LONP1: variants seen among roughly 807,000 people sequenced by gnomAD.
LONP1 encodes the protein lon protease homolog, mitochondrial.
A neutral mutation model predicts 98.5 loss-of-function variants in LONP1; 31 were observed. The observed-to-expected ratio is 0.31, with a 90% confidence interval of 0.24 to 0.42. The LOEUF (loss-of-function observed/expected upper bound fraction) is 0.42. Ranked by LOEUF, LONP1 falls within the 20% of genes least tolerant of loss-of-function variation. The pLI is 1.00. For synonymous variants in LONP1, 781 were observed against 594.7 expected (o/e 1.31, Z -4.56); for missense variants, 1,336 against 1,350.6 (o/e 0.99, Z 0.17).
chr19:5,713,009 G>T, intron 3 of LONP1, 125 bp downstream of exon 3: 2 of 1,339,986 alleles, frequency 1.5e-6, no homozygotes, highest in Non-Finnish European at 2.1e-6. Context: ...TGGCCTCAGT[G>T]CTAGTGAGAA....
At chr19:5,716,267 T>C (rs1466214957) in intron 1 of LONP1, among the ~76,000 whole-genome samples, 11 of 35,464 alleles carry the variant, frequency 3.1e-4, no homozygotes, top group African/African-American at 1.1e-3. Context: ...TACATATATA[T>C]ATATATATAT....
rs754644236 is a variant in LONP1, at chr19:5,694,394, G to A, written c.2313C>T (p.Thr771=). The A allele has an allele frequency of 1.9e-5, 30 of 1,612,812 alleles. No individual in the cohort carries two copies. The highest frequency in any genetic ancestry group is 1.3e-4 in the East Asian group (6 of 44,874). ...TCCCGCCACCACGCTCACCCATTGC[G>A]GTCCAGGCCAGCCCCATGACCACGC... ...PPGVVMGLAW[T]AMGGSTLFVE... The change falls in exon 15 of 18, where the codon ACC becomes ACT. Residue 771 remains threonine (T), a synonymous_variant. Transcript: ENST00000360614.
At chr19:5,694,599 G>A (rs768401905) in intron 14 of LONP1, 47 bp from the exon 15 acceptor site, 2 of 1,562,890 alleles carry the variant, frequency 1.3e-6, no homozygotes, top group East Asian at 2.3e-5. Flanking sequence ...TGGGGTGACA[G>A]GTGCGGGGTG....
chr19:5,717,539 A>T (rs2055341870), intron 1 of LONP1: 1 of 152,234 alleles, frequency 6.6e-6, no homozygotes, highest in Admixed American at 6.6e-5. Context: ...CTGCTCAGGC[A>T]CCGGGAGCAA....
upstream of LONP1, chr19:5,720,196 A>C: frequency 7.2e-7 from 1 of 1,383,060 alleles, no homozygotes; most frequent in Non-Finnish European, 9.3e-7. Context: ...AACGCACGTG[A>C]CGCCCGGCGC....
At chr19:5,716,518 C>G (rs961165298) in intron 1 of LONP1, among the ~76,000 whole-genome samples, 1 of 150,376 alleles carries the variant, frequency 6.6e-6, no homozygotes, top group African/African-American at 2.4e-5. Context: ...AGGCTCTTAA[C>G]TTGTGGTCCA....
intron 8 of LONP1, among the ~76,000 whole-genome samples, chr19:5,702,383 G>A (rs1157437334): frequency 8.8e-5 from 13 of 148,394 alleles, no homozygotes; most frequent in Admixed American, 4.0e-4. Flanking sequence ...CCGGCCAGCC[G>A]CCCCGTCCGG....
At chr19:5,706,896 C>T (rs1003568853) in intron 7 of LONP1, among the ~76,000 whole-genome samples, 164 bp downstream of exon 7, 4 of 152,220 alleles carry the variant, frequency 2.6e-5, no homozygotes, top group South Asian at 2.1e-4. Context: ...CAGCCCAGGA[C>T]GACAGAGCAG....
chr19:5,711,056 A>AGGGGTAGTGC (rs2055229457), intron 4 of LONP1, among the ~76,000 whole-genome samples: 1 of 151,384 alleles, frequency 6.6e-6, no homozygotes, highest in Non-Finnish European at 1.5e-5. Context: ...AAAACCTCGC[A>AGGGGTAGTGC]GGGGTAGTGG....
Position 5,713,346 on chromosome 19 carries a change from C to T in LONP1, c.519-93G>A, listed in dbSNP as rs558549517. ...AGATGGAGGAGGGAGAGAAAAGAAA[C>T]GCCCCTACCAAATGCTACTGAAAAC... On this transcript the variant is annotated intron_variant, in intron 2 of 17. Transcript: ENST00000360614. 3.8e-5 allele frequency: 55 copies of T among 1,460,730 alleles called. No individual in the cohort carries two copies. The African/African-American group carries it at 5.9e-4, about 16-fold the overall frequency. 90.5% of individuals were successfully genotyped at this position (1,460,730 alleles called of 1,614,324 possible). A position where few individuals can be genotyped will look rare whatever the true frequency, so the allele number is the denominator to read the frequency against.
At chr19:5,699,422 C>T (rs2055001378) in intron 9 of LONP1, among the ~76,000 whole-genome samples, 1 of 152,188 alleles carries the variant, frequency 6.6e-6, no homozygotes. Flanking sequence ...CAAAGGACAA[C>T]TAGGTGCTAG....
intron 8 of LONP1, among the ~76,000 whole-genome samples, chr19:5,704,375 C>T (rs570116414): frequency 2.2e-4 from 34 of 152,282 alleles, no homozygotes; most frequent in Non-Finnish European, 4.1e-4. Context: ...GAAATCGGGG[C>T]GTGCTGGGAG....
chr19:5,720,058 G>A lies in LONP1; in HGVS notation c.75C>T (p.Ala25=). The A allele has an allele frequency of 6.5e-7, 1 of 1,531,696 alleles. No individual in the cohort carries two copies. Among genetic ancestry groups the A allele is most frequent in the Non-Finnish European group, 8.7e-7 (1 of 1,144,176 alleles). 94.9% of individuals were successfully genotyped at this position (1,531,696 alleles called of 1,614,324 possible). The change falls in exon 1 of 18, where the codon GCC becomes GCT. Residue 25 remains alanine (A), a synonymous_variant. Coordinates refer to ENST00000360614, the MANE Select transcript of LONP1 (RefSeq NM_004793.4). The part of the protein sequence containing the change: ...RCWVLRRPML[A]AAGGRVPTAA... ...CAGTGGGAACCCGCCCCCCGGCGGC[G>A]GCCAGCATCGGCCGCCGCAGCACCC...
At position 5,696,160 on chromosome 19, in the gene LONP1, A is replaced by G. The variant is rs1181375824; in HGVS notation, c.1907T>C (p.Ile636Thr). The change falls in exon 13 of 18, where the codon ATC becomes ACC. Residue 636 changes from isoleucine to threonine, a missense_variant. By Grantham distance (89) the Ile-to-Thr change is moderately conservative. This residue lies in a region of LONP1 where 555 missense variants were observed against 542.6 expected (regional missense o/e 1.02). Coordinates refer to ENST00000360614, the MANE Select transcript of LONP1 (RefSeq NM_004793.4). Reference protein sequence around the residue: ...VPVDLSKVLFICTANVTDTIP... With the variant: ...VPVDLSKVLFTCTANVTDTIP... The stretch of plus-strand genomic sequence containing the variant: ...GGTGTCCGTGACGTTGGCCGTGCAG[A>G]TGAACAGCACCTGGGGGCGGCGGCA... The G allele has an allele frequency of 2.5e-6, 4 of 1,612,912 alleles. No individual in the cohort carries two copies. The highest frequency in any genetic ancestry group is 3.4e-6 in the Non-Finnish European group (4 of 1,179,872).
intron 9 of LONP1, 30 bp from the exon 10 acceptor site, chr19:5,699,235 G>T (rs778712955): frequency 6.8e-7 from 1 of 1,466,064 alleles, no homozygotes; most frequent in Admixed American, 2.4e-5. Context: ...CAGTGGGCAC[G>T]TGAGCTGGGG....
rs142007394 is a variant in LONP1 at position 5,707,222 on chromosome 19, G to A, written c.1063-79C>T. On this transcript the variant is annotated intron_variant, in intron 6 of 17. Coordinates refer to ENST00000360614, the MANE Select transcript of LONP1 (RefSeq NM_004793.4). ...TAGGGCCGAGGTTGGGGGAAAATGC[G>A]CACCCTGAGAGATGCTGCCGGGAGG... The A allele has an allele frequency of 8.7e-4, 1,021 of 1,170,214 alleles. 10 individuals carry two copies. The African/African-American group carries it at 0.014, about 16-fold the overall frequency. The allele number at this position is 1,170,214 out of a possible 1,614,324, so 72.5% of individuals were successfully genotyped here.
chr19:5,693,853 G>T, intron 15 of LONP1, 84 bp from the exon 16 acceptor site: 1 of 1,146,168 alleles, frequency 8.7e-7, no homozygotes, highest in Non-Finnish European at 1.3e-6. Flanking sequence ...CACTCTGACC[G>T]CTCCTGCCCC....
At chr19:5,707,575 G>T (rs2055167091) in intron 6 of LONP1, 122 bp downstream of exon 6, 1 of 1,047,982 alleles carries the variant, frequency 9.5e-7, no homozygotes, top group Non-Finnish European at 1.4e-6. Context: ...GCACGGTGGA[G>T]GGACAAGGGC....
Position 5,719,434 on chromosome 19 carries a change from T to C in LONP1, c.429+270A>G, listed in dbSNP as rs574326899. ...TACTCAGGTCCCTCCCGGCCCCGGATTTCTATGACCGGCGTTCTAAAGTGG... is the reference window on the plus strand; with the variant it reads ...TACTCAGGTCCCTCCCGGCCCCGGACTTCTATGACCGGCGTTCTAAAGTGG... On this transcript the variant is annotated intron_variant, in intron 1 of 17. Coordinates refer to ENST00000360614, the MANE Select transcript of LONP1 (RefSeq NM_004793.4). 2.0e-5 allele frequency among the ~76,000 whole-genome samples: 3 copies of C among 152,242 alleles called. No homozygotes were observed. In the South Asian group the frequency reaches 6.2e-4, roughly 32 times the overall value.
Sources: gnomAD v4.1 joint callset for allele counts (sites outside exome capture counted in the v4.1 genomes callset) on GRCh38, gnomAD v4.1.1 for gene constraint, gnomAD v4.1.1 regional missense constraint, MANE v1.5 for transcripts, NCBI Gene and HGNC (gene_info 2026-07-23, HGNC 2026-07-21) for gene names.